Variants in PRKG1 observed in about 807,000 individuals in gnomAD.
The protein encoded by PRKG1 is cGMP-dependent protein kinase 1.
Under a neutral mutation model 88.1 loss-of-function variants are expected in PRKG1, and 35 were observed. The observed-to-expected ratio is 0.40, with a 90% CI of 0.30 to 0.53. The LOEUF is 0.53. Ranked by LOEUF, PRKG1 falls within the 20% of genes least tolerant of loss-of-function variation. The pLI is 0.59. For missense variants in PRKG1, 540 were observed against 839.8 expected (o/e 0.64, Z 4.41); for synonymous variants, 303 against 292.5 (o/e 1.04, Z -0.37).
intron 1 of PRKG1, among the ~76,000 whole-genome samples, chr10:51,099,214 GA>G: frequency 6.6e-6 from 1 of 152,190 alleles, no homozygotes; most frequent in East Asian, 1.9e-4. Context: ...ATACCAACAT[GA>G]ATCCTCATTC....
intron 2 of PRKG1, among the ~76,000 whole-genome samples, chr10:51,361,915 A>G (rs1842488803): frequency 2.0e-5 from 3 of 151,772 alleles, no homozygotes; most frequent in Non-Finnish European, 3.0e-5. Flanking sequence ...TGTAAGCTAG[A>G]TATTTTTCTG....
chr10:51,210,918 T>C (rs1273477458), intron 2 of PRKG1, among the ~76,000 whole-genome samples: 2 of 152,192 alleles, frequency 1.3e-5, no homozygotes, highest in African/African-American at 4.8e-5. Context: ...CTTCTGAAAC[T>C]ATTCTAATCA....
chr10:52,031,661 G>T (rs1185933642), intron 5 of PRKG1, among the ~76,000 whole-genome samples: 1 of 152,114 alleles, frequency 6.6e-6, no homozygotes, highest in Non-Finnish European at 1.5e-5. Context: ...TGCGTTCTAA[G>T]CATAAAGCAT....
intron 2 of PRKG1, among the ~76,000 whole-genome samples, chr10:51,170,357 C>A (rs1428638792): frequency 6.6e-6 from 1 of 151,586 alleles, no homozygotes; most frequent in East Asian, 1.9e-4. Flanking sequence ...CATTTCTCTG[C>A]AAGACAATTG....
At chr10:51,140,777 G>A (rs1216867253) in intron 1 of PRKG1, among the ~76,000 whole-genome samples, 1 of 152,058 alleles carries the variant, frequency 6.6e-6, no homozygotes, top group Admixed American at 6.5e-5. Context: ...TAGAGACTGT[G>A]GCAGGGCTGT....
At position 51,989,549 on chromosome 10, in the gene PRKG1, A is replaced by G. The variant is rs1036576803; in HGVS notation, c.763-64935A>G. Among the ~76,000 whole-genome samples, 39 of 151,956 alleles carry G rather than the reference A, an allele frequency of 2.6e-4. 2 individuals are homozygous for G. Among genetic ancestry groups the G allele is most frequent in the Non-Finnish European group, 4.4e-5 (3 of 67,956 alleles). The stretch of plus-strand genomic sequence containing the variant: ...TGTAACCAGATTGCCTGTAATGTCA[A>G]TCATAATAGCTTTGGCTATCAAGTC... On this transcript the variant is annotated intron_variant, in intron 5 of 17. Transcript: ENST00000373980.
chr10:51,679,522 A>C (rs904891165), intron 3 of PRKG1, among the ~76,000 whole-genome samples: 1 of 151,572 alleles, frequency 6.6e-6, no homozygotes, highest in African/African-American at 2.4e-5. Context: ...GCTTTCTAAA[A>C]CTCTTAAGTT....
chr10:51,983,619 G>A (rs1844072790), intron 5 of PRKG1, among the ~76,000 whole-genome samples: 1 of 152,166 alleles, frequency 6.6e-6, no homozygotes, highest in Admixed American at 6.5e-5. Flanking sequence ...AACAAGTTGA[G>A]CCTGGGGGAT....
At chr10:51,455,288 G>A (rs545225188) in intron 2 of PRKG1, among the ~76,000 whole-genome samples, 3 of 152,214 alleles carry the variant, frequency 2.0e-5, no homozygotes, top group Non-Finnish European at 4.4e-5. Context: ...TTTCCTCATG[G>A]GCCTCCAGGC....
intron 8 of PRKG1, among the ~76,000 whole-genome samples, chr10:52,149,270 G>A (rs887402017): frequency 2.0e-5 from 3 of 151,452 alleles, no homozygotes; most frequent in Non-Finnish European, 4.4e-5. Context: ...TTCATAAAAA[G>A]CTGAGTTCTT....
At chr10:51,793,347 T>C (rs1838922416) in intron 3 of PRKG1, among the ~76,000 whole-genome samples, 1 of 151,748 alleles carries the variant, frequency 6.6e-6, no homozygotes, top group African/African-American at 2.4e-5. Context: ...TAAAAATATA[T>C]ATAGTCAAAG....
chr10:51,280,565 ATTTCTT>A (rs1840265736), intron 2 of PRKG1, among the ~76,000 whole-genome samples: 2 of 151,992 alleles, frequency 1.3e-5, no homozygotes, highest in Non-Finnish European at 2.9e-5. Context: ...GGCTTTGTTC[ATTTCTT>A]TTTACTCTTT....
At chr10:51,013,370 G>T (rs1467699425) in intron 1 of PRKG1, among the ~76,000 whole-genome samples, 1 of 152,118 alleles carries the variant, frequency 6.6e-6, no homozygotes, top group Non-Finnish European at 1.5e-5. Flanking sequence ...CCATTGAAGG[G>T]CTTTTCAGTT....
chr10:51,638,508 G>A (rs1241433211), intron 3 of PRKG1, among the ~76,000 whole-genome samples: 5 of 152,170 alleles, frequency 3.3e-5, no homozygotes, highest in Admixed American at 2.0e-4. Context: ...AATCATTGCT[G>A]TGCCAAATGC....
In PRKG1 at chr10:52,298,027, G is replaced by A. The variant is rs1268362800; in HGVS notation, c.*4127G>A. 6.6e-6 allele frequency: 1 copy of A among 152,090 alleles called. No individual in the cohort carries two copies. The highest frequency in any genetic ancestry group is 1.9e-4 in the East Asian group (1 of 5,196). The allele number at this position is 152,090 out of a possible 1,614,324, so 9.4% of individuals were successfully genotyped here. ...CAGAGGTTGGGGCTTTCTGAGTAAA[G>A]GGACATTTCTTTAAGCATCATCTAT... On this transcript the variant is annotated 3_prime_UTR_variant, in exon 18 of 18. Transcript: ENST00000373980.
intron 3 of PRKG1, among the ~76,000 whole-genome samples, chr10:51,789,072 A>C (rs551606541): frequency 5.3e-5 from 8 of 152,304 alleles, no homozygotes. Flanking sequence ...ATGACTTTTT[A>C]AAGATGTTTG....
chr10:51,761,385 G>A (rs1373947814), intron 3 of PRKG1, among the ~76,000 whole-genome samples: 1 of 152,208 alleles, frequency 6.6e-6, no homozygotes, highest in Non-Finnish European at 1.5e-5. Flanking sequence ...ATGAATGAAA[G>A]TGTCCAGCTG....
At chr10:52,038,443 G>A (rs1268790738) in intron 5 of PRKG1, among the ~76,000 whole-genome samples, 1 of 151,848 alleles carries the variant, frequency 6.6e-6, no homozygotes, top group Non-Finnish European at 1.5e-5. Flanking sequence ...TAAGGGATTG[G>A]GGCACAGAGA....
chr10:51,426,374 C>T (rs755614869), intron 2 of PRKG1, among the ~76,000 whole-genome samples: 2 of 152,160 alleles, frequency 1.3e-5, no homozygotes, highest in Admixed American at 1.3e-4. Context: ...CCAAGCACTG[C>T]ATTAGGCACC....
Sources: gnomAD v4.1 joint callset for allele counts (sites outside exome capture counted in the v4.1 genomes callset) on GRCh38, gnomAD v4.1.1 for gene constraint, MANE v1.5 for transcripts, NCBI Gene and HGNC (gene_info 2026-07-23, HGNC 2026-07-21) for gene names.